Variants in MAP3K21 observed in about 807,000 individuals in gnomAD.
MAP3K21 encodes the protein mitogen-activated protein kinase kinase kinase MLK4.
A neutral mutation model predicts 86.1 loss-of-function variants in MAP3K21; 63 were observed. That is an observed-to-expected ratio of 0.73 (90% CI 0.60 to 0.90). The LOEUF (loss-of-function observed/expected upper bound fraction) is 0.90, where lower values mean the gene tolerates loss of function less well. Ranked by LOEUF, MAP3K21 falls within the 40% of genes least tolerant of loss-of-function variation. The probability of loss-of-function intolerance (pLI) is 0.00; values close to 1 mark genes in which losing one functional copy is unlikely to be tolerated. For synonymous variants in MAP3K21, 558 were observed against 564.8 expected, an observed-to-expected ratio of 0.99 and a Z score of 0.17; for missense variants, 1,220 against 1,367.7, an observed-to-expected ratio of 0.89 and a Z score of 1.70.
chr1:233,349,492 G>A (rs1424194633), intron 2 of MAP3K21, among the ~76,000 whole-genome samples: 1 of 152,144 alleles, frequency 6.6e-6, no homozygotes, highest in East Asian at 1.9e-4. Flanking sequence ...ATAAACAGGG[G>A]AGAATCAAGA....
intron 2 of MAP3K21, among the ~76,000 whole-genome samples, chr1:233,347,229 G>A (rs1663162986): frequency 6.6e-6 from 1 of 152,026 alleles, no homozygotes; most frequent in Non-Finnish European, 1.5e-5. Flanking sequence ...TTGATTCCTT[G>A]TGACTCACAG....
At position 233,382,855 on chromosome 1, in the gene MAP3K21, A is replaced by G. The variant is rs777611200; in HGVS notation, c.*144A>G. 1.5e-6 allele frequency: 1 copy of G among 671,622 alleles called. No homozygotes were observed. Among genetic ancestry groups the G allele is most frequent in the South Asian group, 2.0e-5 (1 of 48,804 alleles). 41.6% of individuals were successfully genotyped at this position (671,622 alleles called of 1,614,324 possible). A position where few individuals can be genotyped will look rare whatever the true frequency, so the allele number is the denominator to read the frequency against. Reference sequence around the variant, plus strand: ...TTAGTAAGATATATCCAGCTTCTCAAAAAATGTATATGATTGCTGTTAGCC... The same window carrying G: ...TTAGTAAGATATATCCAGCTTCTCAGAAAATGTATATGATTGCTGTTAGCC... On this transcript the variant is annotated 3_prime_UTR_variant, in exon 10 of 10. Transcript: ENST00000366624.
rs1663966880 is a variant in MAP3K21 at position 233,384,293 on chromosome 1, T to C, written c.*1582T>C. 6.6e-6 allele frequency: 1 copy of C among 152,200 alleles called. No individual in the cohort carries two copies. Among genetic ancestry groups the C allele is most frequent in the Non-Finnish European group, 1.5e-5 (1 of 68,028 alleles). 9.4% of individuals were successfully genotyped at this position (152,200 alleles called of 1,614,324 possible). A position where few individuals can be genotyped will look rare whatever the true frequency, so the allele number is the denominator to read the frequency against. ...TGCAGCATTGTGGTTGCCTAACAGG[T>C]ATATCCAGCAGATGAGAAACAGTAT... On this transcript the variant is annotated 3_prime_UTR_variant, in exon 10 of 10. Transcript: ENST00000366624.
chr1:233,336,752 T>C (rs1662924036), intron 1 of MAP3K21, among the ~76,000 whole-genome samples: 1 of 152,140 alleles, frequency 6.6e-6, no homozygotes, highest in Admixed American at 6.5e-5. Context: ...TCCAGATGAT[T>C]CAGCAAATAT....
At chr1:233,377,152 C>T (rs890902181) in intron 8 of MAP3K21, among the ~76,000 whole-genome samples, 4 of 151,982 alleles carry the variant, frequency 2.6e-5, no homozygotes, top group African/African-American at 9.7e-5. Context: ...GAGAGTTTTA[C>T]ACTGGAATTT....
At chr1:233,369,181 G>A (rs1663636923) in intron 5 of MAP3K21, among the ~76,000 whole-genome samples, 1 of 147,112 alleles carries the variant, frequency 6.8e-6, no homozygotes, top group Admixed American at 6.9e-5. Context: ...TTCGAAACCA[G>A]CCTGGGCAAC....
In MAP3K21 at chr1:233,367,815, C is replaced by T. The variant is rs560315424; in HGVS notation, c.1553-4223C>T. On this transcript the variant is annotated intron_variant, in intron 5 of 9. Coordinates refer to ENST00000366624, the MANE Select transcript of MAP3K21 (RefSeq NM_032435.3). ...GCAAGGTTGCAGTGAGCTGAGATCTCGCCACTGCACTCCAGCCTGGGTGAC... is the reference window on the plus strand; with the variant it reads ...GCAAGGTTGCAGTGAGCTGAGATCTTGCCACTGCACTCCAGCCTGGGTGAC... Among the ~76,000 whole-genome samples, 11 of 150,144 alleles carry T rather than the reference C, an allele frequency of 7.3e-5. No homozygotes were observed. The East Asian group carries it at 1.2e-3, about 16-fold the overall frequency.
chr1:233,352,247 T>C (rs1465142743), intron 2 of MAP3K21, among the ~76,000 whole-genome samples: 2 of 152,186 alleles, frequency 1.3e-5, no homozygotes, highest in East Asian at 1.9e-4. Context: ...GATGTTCCAA[T>C]ACATACAATG....
At chr1:233,337,805 TA>T (rs1662945927) in intron 1 of MAP3K21, among the ~76,000 whole-genome samples, 1 of 152,228 alleles carries the variant, frequency 6.6e-6, no homozygotes, top group African/African-American at 2.4e-5. Context: ...CACGGTTCAT[TA>T]CTAGTTTGTG....
At chr1:233,371,841 C>A (rs1411283021) in intron 5 of MAP3K21, among the ~76,000 whole-genome samples, 197 bp from the exon 6 acceptor site, 2 of 150,710 alleles carry the variant, frequency 1.3e-5, no homozygotes, top group Non-Finnish European at 3.0e-5. Context: ...GTGACTATAT[C>A]CAACATATAA....
intron 1 of MAP3K21, among the ~76,000 whole-genome samples, chr1:233,334,062 T>A (rs1662866072): frequency 6.6e-6 from 1 of 152,078 alleles, no homozygotes; most frequent in African/African-American, 2.4e-5. Context: ...AGATGGGGTT[T>A]CACCGTGTTA....
intron 9 of MAP3K21, 91 bp downstream of exon 9, chr1:233,379,801 G>A (rs1007664995): frequency 1.0e-6 from 1 of 985,264 alleles, no homozygotes; most frequent in Non-Finnish European, 1.5e-6. Flanking sequence ...TCTTTTCCTG[G>A]TGATGACATT....
In MAP3K21 at chr1:233,328,349, G is replaced by A. The variant is rs1421969920; in HGVS notation, c.321G>A (p.Ala107=). 3 of 1,467,734 alleles carry A rather than the reference G, an allele frequency of 2.0e-6. No individual in the cohort carries two copies. Among genetic ancestry groups the A allele is most frequent in the Admixed American group, 2.5e-5 (1 of 39,824 alleles). The allele number at this position is 1,467,734 out of a possible 1,614,324, so 90.9% of individuals were successfully genotyped here. A position where few individuals can be genotyped will look rare whatever the true frequency, so the allele number is the denominator to read the frequency against. Residue 107 remains alanine (A), a synonymous_variant, in exon 1 of 10, where the codon GCG becomes GCA. Coordinates refer to ENST00000366624, the MANE Select transcript of MAP3K21 (RefSeq NM_032435.3). This position sits in a 1 kb window ranked among gnomAD's most constrained non-coding sequence, Gnocchi z 8.7. Reference sequence around the variant, plus strand: ...CCTGCCGCCCGGCCGCCAGCCCCGCGCCGCCGCCCTCGCGGCCCAGCTCCC... The same window carrying A: ...CCTGCCGCCCGGCCGCCAGCCCCGCACCGCCGCCCTCGCGGCCCAGCTCCC... ...VAPCRPAASP[A]PPPSRPSSPV...
In MAP3K21 at chr1:233,353,873, C is replaced by G. The variant is rs774263434; in HGVS notation, c.1053C>G (p.Ala351=). The G allele has an allele frequency of 6.2e-7, 1 of 1,613,332 alleles. No individual in the cohort carries two copies. The highest frequency in any genetic ancestry group is 1.7e-5 in the Admixed American group (1 of 59,792). ...EVPYRGIDGL[A]VAYGVAVNKL... Reference sequence around the variant, plus strand: ...CCTATCGGGGCATTGATGGCCTCGCCGTGGCTTATGGGGTAGCAGTCAATA... The same window carrying G: ...CCTATCGGGGCATTGATGGCCTCGCGGTGGCTTATGGGGTAGCAGTCAATA... Residue 351 remains alanine, a synonymous_variant, in exon 3 of 10, where the codon GCC becomes GCG. Transcript: ENST00000366624.
At chr1:233,336,703 TCTTA>T (rs1165133800) in intron 1 of MAP3K21, among the ~76,000 whole-genome samples, 15 of 152,222 alleles carry the variant, frequency 9.9e-5, no homozygotes, top group African/African-American at 3.1e-4. Context: ...CATTAGTCTA[TCTTA>T]CTTTATGAGG....
intron 4 of MAP3K21, among the ~76,000 whole-genome samples, chr1:233,358,715 A>G (rs1663411822): frequency 6.6e-6 from 1 of 151,988 alleles, no homozygotes; most frequent in African/African-American, 2.4e-5. Context: ...GGATTGCTTG[A>G]GCCTGGTAAG....
intron 5 of MAP3K21, among the ~76,000 whole-genome samples, chr1:233,369,521 G>T (rs577718695): frequency 1.3e-5 from 2 of 152,256 alleles, no homozygotes; most frequent in East Asian, 3.9e-4. Flanking sequence ...AAAAAGTTCA[G>T]TGTGGTTTGA....
intron 5 of MAP3K21, among the ~76,000 whole-genome samples, chr1:233,365,987 A>C (rs1663566693): frequency 6.6e-6 from 1 of 152,226 alleles, no homozygotes; most frequent in South Asian, 2.1e-4. Context: ...TGGTGTGTTT[A>C]CCTGATGGAA....
At chr1:233,339,486 C>CTTT (rs746238626) in intron 1 of MAP3K21, among the ~76,000 whole-genome samples, 1 of 85,234 alleles carries the variant, frequency 1.2e-5, no homozygotes, top group African/African-American at 5.1e-5. Context: ...TCTTCTTCTT[C>CTTT]TTTTTTTTTT....
Sources: gnomAD v4.1 joint callset for allele counts (sites outside exome capture counted in the v4.1 genomes callset) on GRCh38, gnomAD v4.1.1 for gene constraint, Gnocchi (gnomAD v3.1) non-coding constraint, MANE v1.5 for transcripts, NCBI Gene and HGNC (gene_info 2026-07-23, HGNC 2026-07-21) for gene names.